The following FMNL2 variants were observed in gnomAD, a reference collection of about 807,000 sequenced individuals.
FMNL2 encodes formin-like protein 2.
In FMNL2, 51 loss-of-function variants were observed where a neutral mutation model predicts 130.2. The ratio of observed to expected loss-of-function variants is 0.39; its 90% CI spans 0.31 to 0.49. FMNL2 has a LOEUF of 0.49. Among genes scored for constraint, FMNL2 ranks in the 20% least tolerant of loss-of-function variants. The probability of loss-of-function intolerance (pLI) is 0.85; values close to 1 mark genes in which losing one functional copy is unlikely to be tolerated. For missense variants in FMNL2, 977 were observed against 1,316.2 expected (o/e 0.74, Z 3.99); for synonymous variants, 465 against 467.1 (o/e 1.00, Z 0.06).
chr2:152,631,725 A>G (rs1682183179), intron 20 of FMNL2, among the ~76,000 whole-genome samples: 1 of 152,174 alleles, frequency 6.6e-6, no homozygotes, highest in African/African-American at 2.4e-5. Flanking sequence ...CTGTGGGTAA[A>G]TAGGAACTAC....
chr2:152,418,358 A>G (rs1176179606), intron 1 of FMNL2, among the ~76,000 whole-genome samples: 2 of 152,150 alleles, frequency 1.3e-5, no homozygotes, highest in Non-Finnish European at 2.9e-5. Context: ...GGCATTAAGT[A>G]CATTTGTATT....
At chr2:152,579,323 TA>T (rs1696646131) in intron 8 of FMNL2, among the ~76,000 whole-genome samples, 1 of 151,476 alleles carries the variant, frequency 6.6e-6, no homozygotes, top group Non-Finnish European at 1.5e-5. Flanking sequence ...TGCTGGAAGC[TA>T]GCTAAAACCA....
intron 4 of FMNL2, among the ~76,000 whole-genome samples, chr2:152,551,035 A>G (rs1694909227): frequency 6.6e-6 from 1 of 151,180 alleles, no homozygotes; most frequent in Non-Finnish European, 1.5e-5. Flanking sequence ...GCTGCTTGGG[A>G]GGCTGAGGCA....
intron 1 of FMNL2, among the ~76,000 whole-genome samples, chr2:152,450,344 A>G (rs1688570702): frequency 6.6e-6 from 1 of 152,220 alleles, no homozygotes; most frequent in Non-Finnish European, 1.5e-5. Context: ...CGAAGTGAGG[A>G]CAGAGCCAGC....
intron 1 of FMNL2, among the ~76,000 whole-genome samples, chr2:152,453,060 G>C (rs1688733965): frequency 6.6e-6 from 1 of 152,034 alleles, no homozygotes; most frequent in South Asian, 2.1e-4. Context: ...AAATTAGCTG[G>C]GCGTGGTGGT....
intron 9 of FMNL2, among the ~76,000 whole-genome samples, chr2:152,590,507 G>A (rs1282868207): frequency 6.6e-6 from 1 of 151,932 alleles, no homozygotes; most frequent in East Asian, 1.9e-4. Context: ...CCAGCTACTC[G>A]GGAGGCTGAG....
At chr2:152,437,223 G>A (rs141459076) in intron 1 of FMNL2, among the ~76,000 whole-genome samples, 21 of 152,272 alleles carry the variant, frequency 1.4e-4, no homozygotes, top group African/African-American at 5.1e-4. Context: ...ATGAATTTGT[G>A]GGGTGGGGAA....
intron 10 of FMNL2, among the ~76,000 whole-genome samples, chr2:152,608,859 A>G (rs1353056711): frequency 1.3e-5 from 2 of 151,856 alleles, no homozygotes; most frequent in African/African-American, 4.8e-5. Flanking sequence ...GACCCTACTT[A>G]AACAATTTGG....
At chr2:152,605,386 A>G (rs1244394821) in intron 9 of FMNL2, among the ~76,000 whole-genome samples, 1 of 151,982 alleles carries the variant, frequency 6.6e-6, no homozygotes, top group African/African-American at 2.4e-5. Flanking sequence ...TGGCATGATC[A>G]TGGCTCACTG....
At chr2:152,589,979 A>ATATATATATC (rs1697316400) in intron 9 of FMNL2, among the ~76,000 whole-genome samples, 1 of 44,488 alleles carries the variant, frequency 2.2e-5, no homozygotes, top group Non-Finnish European at 5.3e-5. Context: ...ATATATATAT[A>ATATATATATC]TATATGTATA....
intron 1 of FMNL2, among the ~76,000 whole-genome samples, chr2:152,455,743 C>T (rs1688913262): frequency 6.6e-6 from 1 of 152,076 alleles, no homozygotes; most frequent in South Asian, 2.1e-4. Flanking sequence ...GAGAATGAGC[C>T]TTGTTCTGTC....
intron 15 of FMNL2, among the ~76,000 whole-genome samples, chr2:152,622,128 C>T (rs1370499): frequency 0.13 from 19,679 of 152,184 alleles, 1,583 homozygotes; most frequent in Middle Eastern, 0.24. Context: ...CCCTTTCCCC[C>T]GGTAGGTCAC....
chr2:152,493,631 A>G (rs1188032093), intron 1 of FMNL2, among the ~76,000 whole-genome samples: 2 of 152,126 alleles, frequency 1.3e-5, no homozygotes, highest in African/African-American at 4.8e-5. Flanking sequence ...CTATTAGTTC[A>G]TGCAAAATAT....
At chr2:152,562,488 A>G (rs1326656718) in intron 6 of FMNL2, among the ~76,000 whole-genome samples, 1 of 152,178 alleles carries the variant, frequency 6.6e-6, no homozygotes, top group Non-Finnish European at 1.5e-5. Flanking sequence ...AAAGTTAAAC[A>G]TTTCTCTGTA....
In FMNL2 at chr2:152,558,720, T is replaced by G. The variant is rs372174218; in HGVS notation, c.360-20T>G. Reference sequence around the variant, plus strand: ...TGTGATCAATTTCTCCAATGATTTTTTTTTTTTTTTCCCCAACAGATGGGT... The same window carrying G: ...TGTGATCAATTTCTCCAATGATTTTGTTTTTTTTTTCCCCAACAGATGGGT... On this transcript the variant is annotated intron_variant, in intron 4 of 25. Transcript: ENST00000288670. The G allele has an allele frequency of 6.3e-6, 10 of 1,585,406 alleles. No homozygotes were observed. Among genetic ancestry groups the G allele is most frequent in the Admixed American group, 3.5e-5 (2 of 57,696 alleles).
At chr2:152,510,084 C>T (rs939477419) in intron 1 of FMNL2, among the ~76,000 whole-genome samples, 2 of 152,116 alleles carry the variant, frequency 1.3e-5, no homozygotes, top group Admixed American at 1.3e-4. Flanking sequence ...TTTAACTTTA[C>T]AGAGTTGAAG....
intron 1 of FMNL2, among the ~76,000 whole-genome samples, chr2:152,407,272 G>C (rs1686036644): frequency 6.6e-6 from 1 of 151,414 alleles, no homozygotes; most frequent in Non-Finnish European, 1.5e-5. Context: ...GGGAGTTCTA[G>C]TAATAGGGTG....
At chr2:152,588,356 T>G (rs1697199361) in intron 9 of FMNL2, among the ~76,000 whole-genome samples, 1 of 152,194 alleles carries the variant, frequency 6.6e-6, no homozygotes, top group South Asian at 2.1e-4. Flanking sequence ...GACTTCTCTG[T>G]CCTTCTTCCT....
chr2:152,593,112 T>C (rs1697525107), intron 9 of FMNL2, among the ~76,000 whole-genome samples: 1 of 152,132 alleles, frequency 6.6e-6, no homozygotes, highest in Non-Finnish European at 1.5e-5. Context: ...TAAGTCAGAA[T>C]ATATTTGTTC....
Sources: gnomAD v4.1 joint callset for allele counts (sites outside exome capture counted in the v4.1 genomes callset) on GRCh38, gnomAD v4.1.1 for gene constraint, MANE v1.5 for transcripts, NCBI Gene and HGNC (gene_info 2026-07-23, HGNC 2026-07-21) for gene names.